Variants in PCDH11X observed in about 807,000 individuals in gnomAD.
PCDH11X encodes protocadherin 11 X-linked, also known as protocadherin-11 X-linked.
PCDH11X carries 18 observed loss-of-function variants against 53.3 expected under a neutral mutation model. That is an observed-to-expected ratio of 0.34 (90% confidence interval 0.23 to 0.50). The LOEUF is 0.50. Among genes scored for constraint, PCDH11X ranks in the 20% least tolerant of loss-of-function variants. The pLI, the probability that PCDH11X is intolerant of heterozygous loss-of-function variation, is 0.98. For synonymous variants in PCDH11X, 279 were observed against 393.3 expected (o/e 0.71, Z 3.44); for missense variants, 570 against 1,032.4 (o/e 0.55, Z 6.14).
At chrX:91,874,910 A>G (rs1319667692) in intron 5 of PCDH11X, among the ~76,000 whole-genome samples, 1 of 95,249 alleles carries the variant, frequency 1.0e-5, no homozygotes, top group Non-Finnish European at 2.1e-5. Flanking sequence ...CAAAACTATA[A>G]CCTCAGATCT....
At chrX:92,532,911 A>G (rs1438770398) in intron 10 of PCDH11X, among the ~76,000 whole-genome samples, 2 of 110,777 alleles carry the variant, frequency 1.8e-5, no homozygotes, top group African/African-American at 6.6e-5. Context: ...GCGCAGGGCA[A>G]CTCTTGTTTT....
intron 6 of PCDH11X, among the ~76,000 whole-genome samples, chrX:91,927,859 C>T (rs1941998695): frequency 1.8e-5 from 2 of 110,649 alleles, no homozygotes; most frequent in Admixed American, 1.9e-4. Context: ...TAGGTATTGG[C>T]TTAGACATGA....
intron 10 of PCDH11X, among the ~76,000 whole-genome samples, chrX:92,554,064 G>A (rs1354686477): frequency 9.5e-6 from 1 of 105,490 alleles, no homozygotes; most frequent in Non-Finnish European, 2.0e-5. Context: ...TAGAACAGTC[G>A]GTTTTAGAGG....
chrX:92,484,173 ATATG>A (rs1194222033), intron 10 of PCDH11X, among the ~76,000 whole-genome samples: 1 of 51,096 alleles, frequency 2.0e-5, no homozygotes, highest in African/African-American at 9.4e-5. Context: ...ATATGTATAT[ATATG>A]TATGTATATA....
intron 6 of PCDH11X, among the ~76,000 whole-genome samples, chrX:92,134,298 T>A (rs1477685364): frequency 9.0e-6 from 1 of 110,924 alleles, no homozygotes; most frequent in African/African-American, 3.3e-5. Context: ...TTTGTTTTTT[T>A]AATTTTTGTA....
At chrX:92,288,719 ATTTGT>A (rs963582670) in intron 8 of PCDH11X, among the ~76,000 whole-genome samples, 7 of 110,978 alleles carry the variant, frequency 6.3e-5, no homozygotes, top group African/African-American at 1.3e-4. Flanking sequence ...TATTTCTGTG[ATTTGT>A]TTTAAGAATT....
At chrX:92,170,116 A>C (rs1264575057) in intron 6 of PCDH11X, among the ~76,000 whole-genome samples, 3 of 110,932 alleles carry the variant, frequency 2.7e-5, no homozygotes, top group Non-Finnish European at 5.6e-5. Context: ...ACTTCTCTCT[A>C]TTTTTCATTA....
intron 5 of PCDH11X, among the ~76,000 whole-genome samples, chrX:91,839,361 C>T (rs1223995331): frequency 9.3e-6 from 1 of 108,002 alleles, no homozygotes; most frequent in Non-Finnish European, 1.9e-5. Flanking sequence ...CACCTGTAAT[C>T]CCAGCACTTT....
intron 9 of PCDH11X, among the ~76,000 whole-genome samples, chrX:92,392,913 T>C (rs1009764606): frequency 9.2e-6 from 1 of 108,615 alleles, no homozygotes; most frequent in African/African-American, 3.3e-5. Flanking sequence ...GGAGTAGTAT[T>C]GGTTAGTATA....
At chrX:92,380,294 A>T (rs1357372878) in intron 8 of PCDH11X, among the ~76,000 whole-genome samples, 2 of 108,020 alleles carry the variant, frequency 1.9e-5, no homozygotes, top group Non-Finnish European at 3.8e-5. Flanking sequence ...GTGCTTGCTC[A>T]CTCACACACC....
intron 6 of PCDH11X, among the ~76,000 whole-genome samples, chrX:92,032,205 G>A (rs763702189): frequency 3.6e-5 from 4 of 110,616 alleles, no homozygotes; most frequent in South Asian, 3.8e-4. Context: ...TCAGTTCTTC[G>A]GTTAGGTTAA....
intron 10 of PCDH11X, among the ~76,000 whole-genome samples, chrX:92,604,504 A>G (rs1457198244): frequency 9.0e-6 from 1 of 111,197 alleles, no homozygotes; most frequent in Non-Finnish European, 1.9e-5. Flanking sequence ...TTAAAATATT[A>G]CACTAGAATG....
chrX:92,522,209 G>C (rs1003577394), intron 10 of PCDH11X, among the ~76,000 whole-genome samples: 2 of 111,337 alleles, frequency 1.8e-5, no homozygotes, highest in African/African-American at 6.5e-5. Context: ...TTGATATAAA[G>C]TTAGATATGC....
chrX:91,911,107 A>T (rs1941355715), intron 6 of PCDH11X, among the ~76,000 whole-genome samples: 1 of 111,169 alleles, frequency 9.0e-6, no homozygotes, highest in Non-Finnish European at 1.9e-5. Context: ...ACTTCTAGAG[A>T]TATTTATTTG....
intron 6 of PCDH11X, among the ~76,000 whole-genome samples, chrX:92,000,402 T>C (rs1439112113): frequency 2.7e-5 from 3 of 110,541 alleles, no homozygotes; most frequent in Non-Finnish European, 3.8e-5. Context: ...TATTTAAAGT[T>C]ATACCTAAGT....
At chrX:92,435,876 CA>C in intron 9 of PCDH11X, among the ~76,000 whole-genome samples, 1 of 109,552 alleles carries the variant, frequency 9.1e-6, no homozygotes, top group Non-Finnish European at 1.9e-5. Context: ...AACAATCACA[CA>C]AACAAGCCAG....
chrX:92,335,489 T>G (rs1227450279), intron 8 of PCDH11X, among the ~76,000 whole-genome samples: 6 of 109,030 alleles, frequency 5.5e-5, no homozygotes, highest in Non-Finnish European at 1.1e-4. Context: ...AATCGAAATC[T>G]ATTTATCTCG....
intron 6 of PCDH11X, among the ~76,000 whole-genome samples, chrX:92,147,040 G>T (rs2065278341): frequency 9.1e-6 from 1 of 110,200 alleles, no homozygotes; most frequent in East Asian, 2.8e-4. Flanking sequence ...GCTAATAGAT[G>T]TAACAGAATT....
chrX:92,261,486 T>C (rs2067713716), intron 7 of PCDH11X, among the ~76,000 whole-genome samples: 1 of 112,013 alleles, frequency 8.9e-6, no homozygotes, highest in African/African-American at 3.2e-5. Context: ...CAATAATTCA[T>C]GAAATAATTT....
Sources: allele counts gnomAD v4.1 joint callset (sites outside exome capture counted in the v4.1 genomes callset), GRCh38; gene constraint gnomAD v4.1.1; transcripts MANE v1.5; gene names NCBI Gene and HGNC (gene_info 2026-07-23, HGNC 2026-07-21).